ATAD1: variants seen among roughly 807,000 people sequenced by gnomAD.
ATAD1 encodes outer mitochondrial transmembrane helix translocase.
In ATAD1, 18 loss-of-function variants were observed where a neutral mutation model predicts 42.7. The ratio of observed to expected loss-of-function variants is 0.42; its 90% confidence interval spans 0.29 to 0.63. The LOEUF (loss-of-function observed/expected upper bound fraction) is 0.63, where lower values mean the gene tolerates loss of function less well. Ranked by LOEUF, ATAD1 falls within the 20% of genes least tolerant of loss-of-function variation. The pLI is 0.19. For missense variants in ATAD1, 294 were observed against 440.4 expected, an observed-to-expected ratio of 0.67 and a Z score of 2.98; for synonymous variants, 132 against 143.1, an observed-to-expected ratio of 0.92 and a Z score of 0.55.
At chr10:87,754,862 T>A in intron 9 of ATAD1, 55 bp from the exon 10 acceptor site, 1 of 1,558,058 alleles carries the variant, frequency 6.4e-7, no homozygotes, top group South Asian at 1.2e-5. Context: ...TATGCCTCCC[T>A]AAAATATTTT....
chr10:87,826,474 CAAAG>C (rs912870261), intron 1 of ATAD1, among the ~76,000 whole-genome samples: 3 of 152,164 alleles, frequency 2.0e-5, no homozygotes, highest in Non-Finnish European at 4.4e-5. Context: ...GGAGAGTAGA[CAAAG>C]AGGCTAACTC....
At position 87,768,900 on chromosome 10, in the gene ATAD1, T is replaced by C. The variant is rs186187547; in HGVS notation, c.781-1177A>G. Among the ~76,000 whole-genome samples the C allele has an allele frequency of 8.2e-3, 1,250 of 152,064 alleles. 9 individuals are homozygous for C. The highest frequency in any genetic ancestry group is 0.014 in the Non-Finnish European group (983 of 67,968). ...GGAGTTGAGACTAGCCTGGGCAACATAGTGAGACCCGTCTGTAAAAAAATT... is the reference window on the plus strand; with the variant it reads ...GGAGTTGAGACTAGCCTGGGCAACACAGTGAGACCCGTCTGTAAAAAAATT... On this transcript the variant is annotated intron_variant, in intron 7 of 9. Transcript: ENST00000680024.
At chr10:87,757,516 T>C (rs74149610) in intron 8 of ATAD1, among the ~76,000 whole-genome samples, 3,138 of 152,276 alleles carry the variant, frequency 0.021, 101 homozygotes, top group African/African-American at 0.069. Flanking sequence ...TAGTAAATGA[T>C]TCTTATGTCT....
chr10:87,800,264 TA>T (rs1856624535), intron 2 of ATAD1, among the ~76,000 whole-genome samples: 1 of 152,042 alleles, frequency 6.6e-6, no homozygotes, highest in African/African-American at 2.4e-5. Flanking sequence ...TTTAATAAAT[TA>T]TAAGAGATTT....
At chr10:87,827,505 C>G (rs1383373428) in intron 1 of ATAD1, among the ~76,000 whole-genome samples, 1 of 152,182 alleles carries the variant, frequency 6.6e-6, no homozygotes, top group Non-Finnish European at 1.5e-5. Flanking sequence ...CTTTGTGTCT[C>G]TGTCTCATTT....
intron 3 of ATAD1, 34 bp from the exon 4 acceptor site, chr10:87,790,464 A>G (rs1264936906): frequency 1.3e-6 from 2 of 1,562,794 alleles, no homozygotes; most frequent in Non-Finnish European, 8.6e-7. Flanking sequence ...GAATTTTACT[A>G]CAAATGTACA....
upstream of ATAD1, among the ~76,000 whole-genome samples, chr10:87,822,386 T>G (rs1398914331): frequency 6.6e-6 from 1 of 152,166 alleles, no homozygotes; most frequent in Non-Finnish European, 1.5e-5. Flanking sequence ...AAGCTATACC[T>G]GAAGCTGTAC....
intron 6 of ATAD1, among the ~76,000 whole-genome samples, chr10:87,772,931 T>TA (rs1282108833): frequency 6.6e-6 from 1 of 152,204 alleles, no homozygotes; most frequent in African/African-American, 2.4e-5. Context: ...ATGCTCCTTT[T>TA]ATGTGTTAGT....
At chr10:87,762,621 T>C (rs1418148364) in intron 8 of ATAD1, among the ~76,000 whole-genome samples, 54 of 151,700 alleles carry the variant, frequency 3.6e-4, no homozygotes, top group Non-Finnish European at 1.2e-4. Context: ...CCAGCCACCA[T>C]GTCCAGCTAA....
chr10:87,820,241 G>T (rs2068928365), upstream of ATAD1, among the ~76,000 whole-genome samples: 3 of 152,258 alleles, frequency 2.0e-5, no homozygotes, highest in South Asian at 6.2e-4. Flanking sequence ...CTAAAAGGGG[G>T]AGGGTCACTA....
chr10:87,773,435 A>G (rs1421681923), intron 6 of ATAD1, among the ~76,000 whole-genome samples: 1 of 152,190 alleles, frequency 6.6e-6, no homozygotes, highest in Non-Finnish European at 1.5e-5. Flanking sequence ...GGCTCTCTTC[A>G]TAATCATAGA....
intron 2 of ATAD1, among the ~76,000 whole-genome samples, chr10:87,802,006 C>T (rs1856718451): frequency 6.6e-6 from 1 of 152,116 alleles, no homozygotes; most frequent in African/African-American, 2.4e-5. Context: ...CTATTGACAG[C>T]TTCTAACAAT....
chr10:87,808,831 A>G (rs1024266408), intron 2 of ATAD1, among the ~76,000 whole-genome samples: 2 of 152,180 alleles, frequency 1.3e-5, no homozygotes, highest in Non-Finnish European at 2.9e-5. Context: ...AGATTCTTAT[A>G]CCAATTTAGA....
At chr10:87,781,184 T>TA (rs528260619) in intron 5 of ATAD1, among the ~76,000 whole-genome samples, 3 of 151,522 alleles carry the variant, frequency 2.0e-5, no homozygotes, top group African/African-American at 7.3e-5. Flanking sequence ...AAACCACTAT[T>TA]AAAAAAAAGT....
At chr10:87,816,257 G>C (rs1406711334) in intron 1 of ATAD1, among the ~76,000 whole-genome samples, 2 of 152,072 alleles carry the variant, frequency 1.3e-5, no homozygotes, top group Non-Finnish European at 2.9e-5. Flanking sequence ...CAGATAAATT[G>C]TAACTGAAGG....
chr10:87,810,797 T>G (rs1280752053), intron 2 of ATAD1, among the ~76,000 whole-genome samples: 1 of 152,198 alleles, frequency 6.6e-6, no homozygotes, highest in Non-Finnish European at 1.5e-5. Flanking sequence ...TCTTTATCTT[T>G]AGTTGAAATA....
Position 87,790,403 on chromosome 10 carries a change from C to T in ATAD1, c.289G>A (p.Asp97Asn), listed in dbSNP as rs750874728. 4.3e-6 allele frequency: 7 copies of T among 1,611,372 alleles called. No homozygotes were observed. In the East Asian group the frequency reaches 1.6e-4, roughly 36 times the overall value. Reference sequence around the variant, plus strand: ...TCTTTCAGATCCGTAATGACATCATCTAAACCTGCTATATCACTCCAAGTA... The same window carrying T: ...TCTTTCAGATCCGTAATGACATCATTTAAACCTGCTATATCACTCCAAGTA... ...HVTWSDIAGL[D>N]DVITDLKDTV... is the part of the protein sequence containing the mutation. The change falls in exon 4 of 10, where the codon GAT becomes AAT. Residue 97 changes from aspartate (D) to asparagine (N), a missense_variant. Coordinates refer to ENST00000680024, the MANE Select transcript of ATAD1 (RefSeq NM_001321967.2).
chr10:87,812,515 G>A (rs903225229), intron 2 of ATAD1, among the ~76,000 whole-genome samples: 1 of 152,066 alleles, frequency 6.6e-6, no homozygotes, highest in South Asian at 2.1e-4. Context: ...TGCCTGTCTC[G>A]GCCTCCCAAA....
intron 1 of ATAD1, among the ~76,000 whole-genome samples, chr10:87,830,501 G>A (rs898358496): frequency 6.6e-6 from 1 of 152,090 alleles, no homozygotes; most frequent in African/African-American, 2.4e-5. Context: ...TATGAATCAT[G>A]TTTTTTTCCC....
Sources: allele counts gnomAD v4.1 joint callset (sites outside exome capture counted in the v4.1 genomes callset), GRCh38; gene constraint gnomAD v4.1.1; transcripts MANE v1.5; gene names NCBI Gene and HGNC (gene_info 2026-07-23, HGNC 2026-07-21).